NAALAD2: variants seen among roughly 807,000 people sequenced by gnomAD.
The protein encoded by NAALAD2 is N-acetylated-alpha-linked acidic dipeptidase 2.
NAALAD2 carries 89 observed loss-of-function variants against 95.6 expected under a neutral mutation model. The observed-to-expected ratio is 0.93, with a 90% CI of 0.78 to 1.11. The LOEUF is 1.11. Among genes scored for constraint, NAALAD2 ranks in the 50% least tolerant of loss-of-function variants. NAALAD2 has a pLI of 0.00. For synonymous variants in NAALAD2, 264 were observed against 294.4 expected, an observed-to-expected ratio of 0.90 and a Z score of 1.06; for missense variants, 894 against 872.4, an observed-to-expected ratio of 1.02 and a Z score of -0.31.
chr11:90,141,307 G>A (rs141017992), intron 2 of NAALAD2, among the ~76,000 whole-genome samples: 1 of 152,224 alleles, frequency 6.6e-6, no homozygotes, highest in East Asian at 1.9e-4. Context: ...ATCCTATAGA[G>A]CTATTTGGGA....
At position 90,134,688 on chromosome 11, in the gene NAALAD2, G is replaced by GCT; in HGVS notation, c.-66_-65dup. 1 of 1,485,630 alleles carries GCT rather than the reference G, an allele frequency of 6.7e-7. No individual in the cohort carries two copies. The highest frequency in any genetic ancestry group is 9.4e-7 in the Non-Finnish European group (1 of 1,066,578). The allele number at this position is 1,485,630 out of a possible 1,614,324, so 92.0% of individuals were successfully genotyped here. On this transcript the variant is annotated 5_prime_UTR_variant, in exon 1 of 19. Coordinates refer to ENST00000534061, the MANE Select transcript of NAALAD2 (RefSeq NM_005467.4). Reference sequence around the variant, plus strand: ...AGAGCTCACAGCCTCCTGCCAGCGCGCTCTCTGTTTCTCTGCAGCCCCGAA... The same window carrying GCT: ...AGAGCTCACAGCCTCCTGCCAGCGCGCTCTCTCTGTTTCTCTGCAGCCCCGAA...
intron 2 of NAALAD2, among the ~76,000 whole-genome samples, chr11:90,145,682 T>C (rs995471579): frequency 3.3e-5 from 5 of 152,138 alleles, no homozygotes; most frequent in African/African-American, 1.2e-4. Context: ...GGATGATTAA[T>C]AGTTTGCAGA....
At position 90,155,704 on chromosome 11, in the gene NAALAD2, T is replaced by A. The variant is rs1480369540; in HGVS notation, c.797-2441T>A. ...TAATACATACATACATATGTATGTA[T>A]TATTATTGTATGTATGTAATACATA... On this transcript the variant is annotated intron_variant, in intron 6 of 18. Transcript: ENST00000534061. 9.4e-5 allele frequency among the ~76,000 whole-genome samples: 4 copies of A among 42,608 alleles called. 1 individual carries two copies. Among genetic ancestry groups the A allele is most frequent in the African/African-American group, 3.0e-4 (2 of 6,642 alleles). The allele number at this position is 42,608 out of a possible 152,430, so 28.0% of individuals were successfully genotyped here.
chr11:90,180,299 T>G (rs1373193102), intron 16 of NAALAD2, among the ~76,000 whole-genome samples: 1 of 152,122 alleles, frequency 6.6e-6, no homozygotes, highest in Non-Finnish European at 1.5e-5. Flanking sequence ...TCAGCATTCT[T>G]TCCTCATAGT....
intron 17 of NAALAD2, among the ~76,000 whole-genome samples, chr11:90,182,013 C>G (rs1390254582): frequency 6.6e-6 from 1 of 150,992 alleles, no homozygotes; most frequent in Non-Finnish European, 1.5e-5. Context: ...CCCAAAGAGA[C>G]AAGGGCCAAA....
At chr11:90,150,409 G>A (rs1951856154) in intron 4 of NAALAD2, 73 bp from the exon 5 acceptor site, 1 of 1,035,434 alleles carries the variant, frequency 9.7e-7, no homozygotes, top group Admixed American at 2.7e-5. Flanking sequence ...GTAGTATTGT[G>A]AAGCAAACTT....
In NAALAD2 at chr11:90,178,151, T is replaced by C. The variant is rs199706439; in HGVS notation, c.1858+34T>C. The C allele has an allele frequency of 1.2e-5, 19 of 1,575,730 alleles. No individual in the cohort carries two copies. In the East Asian group the frequency reaches 3.8e-4, roughly 32 times the overall value. On this transcript the variant is annotated intron_variant, in intron 16 of 18. Coordinates refer to ENST00000534061, the MANE Select transcript of NAALAD2 (RefSeq NM_005467.4). ...TAGTTGGGCAGATATTTTACAGTCT[T>C]TAAGTTAGAGCTTTAAGATATTATC...
rs760379208 is a variant in NAALAD2, at chr11:90,175,953, G to GTGTGC, written c.1503-19_1503-18insTGTGC. 1 of 1,033,228 alleles carries GTGTGC rather than the reference G, an allele frequency of 9.7e-7. No homozygotes were observed. The highest frequency in any genetic ancestry group is 2.0e-5 in the African/African-American group (1 of 49,160). The allele number at this position is 1,033,228 out of a possible 1,614,324, so 64.0% of individuals were successfully genotyped here. Reference sequence around the variant, plus strand: ...ATGTGTGTGTGTGTGTGTGTGTGTGGATTGCATTCTACATCTAGAATCAAT... The same window carrying GTGTGC: ...ATGTGTGTGTGTGTGTGTGTGTGTGGTGTGCATTGCATTCTACATCTAGAATCAAT... On this transcript the variant is annotated intron_variant, in intron 14 of 18. Transcript: ENST00000534061.
intron 2 of NAALAD2, 118 bp downstream of exon 2, chr11:90,135,788 G>C: frequency 3.0e-6 from 2 of 663,574 alleles, no homozygotes; most frequent in African/African-American, 2.1e-5. Flanking sequence ...TTACATATTA[G>C]TCATCAACTT....
chr11:90,162,606 TTAGAA>T (rs1952328425), intron 8 of NAALAD2: 1 of 154,826 alleles, frequency 6.5e-6, no homozygotes, highest in East Asian at 1.9e-4. Context: ...TTTTTACATT[TTAGAA>T]TAAATATGAC....
chr11:90,140,895 T>A (rs189666072), intron 2 of NAALAD2, among the ~76,000 whole-genome samples: 1 of 152,272 alleles, frequency 6.6e-6, no homozygotes, highest in African/African-American at 2.4e-5. Flanking sequence ...CATAAAGGTG[T>A]AAGGTTTAGG....
At chr11:90,185,686 T>C (rs1204248580) in intron 18 of NAALAD2, among the ~76,000 whole-genome samples, 1 of 152,122 alleles carries the variant, frequency 6.6e-6, no homozygotes, top group Non-Finnish European at 1.5e-5. Context: ...GATAAAAGAT[T>C]TGACTCTTGT....
chr11:90,161,106 G>A (rs570243466), intron 8 of NAALAD2, among the ~76,000 whole-genome samples: 98 of 152,270 alleles, frequency 6.4e-4, no homozygotes, highest in African/African-American at 2.3e-3. Context: ...AATTTCTACT[G>A]TTGTTTAGAA....
rs559440862 is a variant in NAALAD2, at chr11:90,135,240, A to G, written c.83-319A>G. The G allele has an allele frequency of 1.7e-5, 5 of 297,172 alleles. No individual in the cohort carries two copies. In the Admixed American group the frequency reaches 2.3e-4, roughly 14 times the overall value. 18.4% of individuals were successfully genotyped at this position (297,172 alleles called of 1,614,324 possible). The stretch of plus-strand genomic sequence containing the variant: ...AACCCTGCTCTATACGTAAATAAAT[A>G]TTTGTGGAATGTTCCCTATGTGTCA... On this transcript the variant is annotated intron_variant, in intron 1 of 18. Transcript: ENST00000534061.
intron 8 of NAALAD2, among the ~76,000 whole-genome samples, chr11:90,160,599 C>G (rs906310783): frequency 6.6e-5 from 10 of 152,122 alleles, no homozygotes; most frequent in African/African-American, 2.4e-4. Flanking sequence ...GAACAGTGCT[C>G]TTTTAATTTG....
At chr11:90,155,406 A>T (rs377057230) in intron 6 of NAALAD2, among the ~76,000 whole-genome samples, 26,037 of 85,082 alleles carry the variant, frequency 0.31, 3,937 homozygotes, top group African/African-American at 0.48. Context: ...TAATATATAT[A>T]ATGTAATATT....
intron 18 of NAALAD2, among the ~76,000 whole-genome samples, chr11:90,190,513 A>G (rs150052696): frequency 5.9e-5 from 9 of 152,326 alleles, no homozygotes; most frequent in South Asian, 2.1e-4. Context: ...TTCGCTTCCT[A>G]TATCAAATTT....
intron 6 of NAALAD2, among the ~76,000 whole-genome samples, chr11:90,152,719 C>CT (rs1186776800): frequency 6.6e-6 from 1 of 151,938 alleles, no homozygotes; most frequent in Non-Finnish European, 1.5e-5. Context: ...CTCCTTCTTC[C>CT]TTTATTAGAG....
At position 90,175,928 on chromosome 11, in the gene NAALAD2, A is replaced by ATGTG. The variant is rs140876943; in HGVS notation, c.1503-23_1503-20dup. 8,864 of 963,680 alleles carry ATGTG rather than the reference A, an allele frequency of 9.2e-3. 4 individuals are homozygous for ATGTG. The highest frequency in any genetic ancestry group is 0.025 in the South Asian group (1,804 of 70,824). The allele number at this position is 963,680 out of a possible 1,614,324, so 59.7% of individuals were successfully genotyped here. ...TTAACTTTGTATCATTTACTTGTTT[A>ATGTG]TGTGTGTGTGTGTGTGTGTGTGTGG... is the stretch of plus-strand genomic sequence containing the variant. On this transcript the variant is annotated intron_variant, in intron 14 of 18. Coordinates refer to ENST00000534061, the MANE Select transcript of NAALAD2 (RefSeq NM_005467.4).
Sources: gnomAD v4.1 joint callset for allele counts (sites outside exome capture counted in the v4.1 genomes callset) on GRCh38, gnomAD v4.1.1 for gene constraint, MANE v1.5 for transcripts, NCBI Gene and HGNC (gene_info 2026-07-23, HGNC 2026-07-21) for gene names.